NCOR2: variants seen among roughly 807,000 people sequenced by gnomAD.
NCOR2 encodes the protein nuclear receptor corepressor 2.
NCOR2 carries 81 observed loss-of-function variants against 262.9 expected under a neutral mutation model. The ratio of observed to expected loss-of-function variants is 0.31; its 90% CI spans 0.26 to 0.37. NCOR2 has a LOEUF of 0.37. Among genes scored for constraint, NCOR2 ranks in the 10% least tolerant of loss-of-function variants. The probability of loss-of-function intolerance (pLI) is 1.00; values close to 1 mark genes in which losing one functional copy is unlikely to be tolerated. For synonymous variants in NCOR2, 1,659 were observed against 1,559.3 expected, an observed-to-expected ratio of 1.06 and a Z score of -1.51; for missense variants, 3,385 against 3,621.4, an observed-to-expected ratio of 0.93 and a Z score of 1.68.
chr12:124,424,202 C>CT lies in NCOR2; in HGVS notation c.1329-1648dup, dbSNP rs201007895. Among the ~76,000 whole-genome samples the CT allele has an allele frequency of 1.9e-4, 29 of 151,700 alleles. No homozygotes were observed. The East Asian group carries it at 3.5e-3, about 18-fold the overall frequency. On this transcript the variant is annotated intron_variant, in intron 11 of 46. Coordinates refer to ENST00000405201, the Ensembl canonical transcript of NCOR2. ...AGCCGCAGAAAGTCTCCCAGAACAC[C>CT]TTTTTTTTTGTATTTCAGAAAAAAT...
At chr12:124,423,828 C>T (rs1341312436) in intron 11 of NCOR2, among the ~76,000 whole-genome samples, 4 of 152,248 alleles carry the variant, frequency 2.6e-5, no homozygotes, top group Non-Finnish European at 5.9e-5. Flanking sequence ...GCCCTGCATA[C>T]CTCACAAGGG....
Position 124,406,669 on chromosome 12 carries a change from G to A in NCOR2, c.1483-4108C>T, listed in dbSNP as rs371646766. 1.1e-4 allele frequency among the ~76,000 whole-genome samples: 17 copies of A among 152,252 alleles called. No homozygotes were observed. The South Asian group carries it at 3.3e-3, about 30-fold the overall frequency. On this transcript the variant is annotated intron_variant, in intron 13 of 46. Coordinates refer to ENST00000405201, the Ensembl canonical transcript of NCOR2. ...CTGACAGTGGGTTTGTGCCCTGTGC[G>A]TGGTCAGAAACATCCCCCCAAACCA...
intron 14 of NCOR2, among the ~76,000 whole-genome samples, chr12:124,401,006 A>C: frequency 6.6e-6 from 1 of 152,078 alleles, no homozygotes; most frequent in Non-Finnish European, 1.5e-5. Flanking sequence ...GGAGTTTAAG[A>C]CCAGCCTGGG....
chr12:124,428,500 T>C (rs932286063), intron 10 of NCOR2, among the ~76,000 whole-genome samples: 2 of 152,194 alleles, frequency 1.3e-5, no homozygotes, highest in Admixed American at 6.5e-5. Flanking sequence ...TCAGAGTCTC[T>C]GGTGAGAAAC....
At position 124,503,415 on chromosome 12, in the gene NCOR2, G is replaced by A. The variant is rs774913164; in HGVS notation, c.-117-8047C>T. On this transcript the variant is annotated intron_variant, in intron 1 of 46. Transcript: ENST00000404621. The surrounding 1 kb of genome is among the most constrained non-coding windows in gnomAD (Gnocchi z 4.3). The stretch of plus-strand genomic sequence containing the variant: ...AGGAAGGGAGGGAGGAAAGGAGGAT[G>A]GATGGATGAATGCATGCATGGATAG... Among the ~76,000 whole-genome samples the A allele has an allele frequency of 6.6e-6, 1 of 152,202 alleles. No individual in the cohort carries two copies. Among genetic ancestry groups the A allele is most frequent in the Non-Finnish European group, 1.5e-5 (1 of 68,034 alleles).
At chr12:124,509,776 G>C (rs1201403374) in intron 1 of NCOR2, among the ~76,000 whole-genome samples, 1 of 152,184 alleles carries the variant, frequency 6.6e-6, no homozygotes, top group Admixed American at 6.5e-5. Flanking sequence ...TCTCATGGGT[G>C]AAAGAGCAGG....
At chr12:124,534,615 C>T (rs370266151) in intron 1 of NCOR2, among the ~76,000 whole-genome samples, 1 of 152,222 alleles carries the variant, frequency 6.6e-6, no homozygotes, top group East Asian at 1.9e-4. Flanking sequence ...GCTGTGTGCC[C>T]GCCATGTGCC....
intron 43 of NCOR2, chr12:124,331,394 G>A (rs1261280803): frequency 1.9e-5 from 3 of 159,646 alleles, no homozygotes; most frequent in Admixed American, 6.1e-5. Context: ...GTACCCTGGG[G>A]ATGCTGATGC....
intron 3 of NCOR2, among the ~76,000 whole-genome samples, chr12:124,478,416 C>G (rs2136744327): frequency 6.6e-6 from 1 of 152,194 alleles, no homozygotes; most frequent in East Asian, 1.9e-4. Flanking sequence ...CCAAGGAAGT[C>G]TCTGATGCCA....
chr12:124,453,224 A>G (rs2045652625), intron 6 of NCOR2, among the ~76,000 whole-genome samples: 1 of 152,140 alleles, frequency 6.6e-6, no homozygotes, highest in Admixed American at 6.5e-5. Context: ...GGGTCCCCAC[A>G]TGGGGCCATG....
intron 7 of NCOR2, among the ~76,000 whole-genome samples, chr12:124,448,293 G>A (rs1199805137): frequency 6.6e-6 from 1 of 152,196 alleles, no homozygotes; most frequent in African/African-American, 2.4e-5. Flanking sequence ...CCCAGACAGG[G>A]GCCCCAGAGC....
At chr12:124,364,136 T>C (rs923894876) in intron 20 of NCOR2, among the ~76,000 whole-genome samples, 7 of 152,008 alleles carry the variant, frequency 4.6e-5, no homozygotes, top group African/African-American at 1.5e-4. Flanking sequence ...CAGGCTGGGA[T>C]CAAACATCCC....
At chr12:124,398,637 C>A (rs557618889) in intron 15 of NCOR2, among the ~76,000 whole-genome samples, 1 of 152,334 alleles carries the variant, frequency 6.6e-6, no homozygotes, top group East Asian at 1.9e-4. Context: ...CCTCTCGGAG[C>A]CCAGCTCTTC....
Position 124,517,611 on chromosome 12 carries a change from C to T in NCOR2, c.-118+17954G>A, listed in dbSNP as rs1371036783. 2.6e-5 allele frequency among the ~76,000 whole-genome samples: 4 copies of T among 152,204 alleles called. No individual in the cohort carries two copies. Among genetic ancestry groups the T allele is most frequent in the African/African-American group, 4.8e-5 (2 of 41,460 alleles). On this transcript the variant is annotated intron_variant, in intron 1 of 46. Transcript: ENST00000404621. This position sits in a 1 kb window ranked among gnomAD's most constrained non-coding sequence, Gnocchi z 7.6. ...GAGCCCCAGGGCAGAGCCTCGGGAG[C>T]GCCCACGATCACATGCCCTCCTGAA...
chr12:124,325,675 C>T, intron 46 of NCOR2, 92 bp from the exon 49 acceptor site: 2 of 882,984 alleles, frequency 2.3e-6, no homozygotes, highest in Non-Finnish European at 1.5e-6. Flanking sequence ...ACAGAGGCCT[C>T]AGCGTTTCTG....
At chr12:124,339,647 CGGCCATCTATCCTT>C in intron 37 of NCOR2, among the ~76,000 whole-genome samples, 1 of 64,992 alleles carries the variant, frequency 1.5e-5, no homozygotes. Context: ...CTGGCTAACC[CGGCCATCTATCCTT>C]CCACCCACCC....
At chr12:124,494,598 C>T (rs1046892471) in intron 1 of NCOR2, among the ~76,000 whole-genome samples, 2 of 152,142 alleles carry the variant, frequency 1.3e-5, no homozygotes, top group African/African-American at 2.4e-5. Flanking sequence ...GGCCACAGGG[C>T]GGGCTCCCCA....
chr12:124,509,145 T>A (rs754357967), intron 1 of NCOR2, among the ~76,000 whole-genome samples: 31 of 147,370 alleles, frequency 2.1e-4, no homozygotes, highest in African/African-American at 7.5e-4. Context: ...ACACCCCAAT[T>A]TCCCTGGGCA....
At chr12:124,505,493 C>G (rs1378476179) in intron 1 of NCOR2, among the ~76,000 whole-genome samples, 5 of 152,218 alleles carry the variant, frequency 3.3e-5, no homozygotes, top group African/African-American at 1.2e-4. Flanking sequence ...CTGAGCCCCT[C>G]GGTCACTGAA....
Sources: gnomAD v4.1 joint callset for allele counts (sites outside exome capture counted in the v4.1 genomes callset) on GRCh38, gnomAD v4.1.1 for gene constraint, Gnocchi (gnomAD v3.1) non-coding constraint, MANE v1.5 for transcripts, NCBI Gene and HGNC (gene_info 2026-07-23, HGNC 2026-07-21) for gene names.